TTC34: variants seen among roughly 807,000 people sequenced by gnomAD.
TTC34 encodes tetratricopeptide repeat protein 34.
A neutral mutation model predicts 40.7 loss-of-function variants in TTC34; 44 were observed. That is an observed-to-expected ratio of 1.08 (90% CI 0.85 to 1.39). TTC34 has a LOEUF of 1.39. Ranked by LOEUF, TTC34 falls within the 40% of genes most tolerant of loss-of-function variation. The pLI is 0.00. For synonymous variants in TTC34, 422 were observed against 398.6 expected, an observed-to-expected ratio of 1.06 and a Z score of -0.70; for missense variants, 884 against 838.0, an observed-to-expected ratio of 1.05 and a Z score of -0.68.
At chr1:2,759,891 G>GTATCTGATAGCGTGGAA (rs1641637700) in intron 6 of TTC34, among the ~76,000 whole-genome samples, 4 of 145,272 alleles carry the variant, frequency 2.8e-5, no homozygotes, top group Non-Finnish European at 4.5e-5. Context: ...CCTCAGGTGA[G>GTATCTGATAGCGTGGAA]CATCTGACAG....
At chr1:2,640,778 A>G (rs1557576627) in exon 9 of TTC34, 1 of 151,550 alleles carries the variant, frequency 6.6e-6, no homozygotes, top group African/African-American at 2.4e-5. Flanking sequence ...AAACCTGTCC[A>G]ACCTGTAGGA....
At chr1:2,750,631 G>T (rs1265502191) in intron 6 of TTC34, among the ~76,000 whole-genome samples, 2 of 115,328 alleles carry the variant, frequency 1.7e-5, no homozygotes, top group Non-Finnish European at 3.7e-5. Flanking sequence ...TGACAGCCTG[G>T]AGCAGCACCC....
At chr1:2,641,921 A>C in intron 8 of TTC34, 26 bp from the exon 9 acceptor site, 1 of 1,446,570 alleles carries the variant, frequency 6.9e-7, no homozygotes, top group Middle Eastern at 2.3e-4. Context: ...AGAGAGAGGC[A>C]GGGAGAGTGG....
intron 6 of TTC34, among the ~76,000 whole-genome samples, chr1:2,751,637 A>G (rs1449691174): frequency 2.3e-5 from 3 of 127,676 alleles, no homozygotes; most frequent in African/African-American, 3.3e-5. Context: ...GGCCTGGAAC[A>G]GCACCCACAC....
At chr1:2,677,735 C>T (rs1159950339) in intron 6 of TTC34, among the ~76,000 whole-genome samples, 4 of 122,116 alleles carry the variant, frequency 3.3e-5, no homozygotes, top group East Asian at 2.4e-4. Context: ...CCTGCACCCC[C>T]AGGTGAGCAT....
intron 6 of TTC34, among the ~76,000 whole-genome samples, chr1:2,685,952 A>T (rs1302807709): frequency 2.8e-5 from 4 of 141,938 alleles, no homozygotes; most frequent in African/African-American, 8.2e-5. Flanking sequence ...CGGGAACAGC[A>T]CCCACACCCA....
At chr1:2,648,259 C>A (rs946003764) in intron 6 of TTC34, among the ~76,000 whole-genome samples, 2 of 152,144 alleles carry the variant, frequency 1.3e-5, no homozygotes, top group Admixed American at 6.5e-5. Context: ...GTAGACAGGG[C>A]TGTGGTGCTG....
intron 6 of TTC34, among the ~76,000 whole-genome samples, chr1:2,681,083 A>T (rs796298909): frequency 5.7e-3 from 257 of 45,398 alleles, no homozygotes; most frequent in South Asian, 0.011. Context: ...AGCATCTGAC[A>T]GCCTAGAGCA....
Position 2,787,375 on chromosome 1 carries a change from A to G in TTC34, c.1854+106T>C, listed in dbSNP as rs1643604094. ...GGGGCTGAATGCAGTCGCCTGGTCCAAAGCCCAGACTGTGGGGTCCAGCGC... is the reference window on the plus strand; with the variant it reads ...GGGGCTGAATGCAGTCGCCTGGTCCGAAGCCCAGACTGTGGGGTCCAGCGC... On this transcript the variant is annotated intron_variant, in intron 4 of 8. Coordinates refer to ENST00000401095, the Ensembl canonical transcript of TTC34. 3.7e-6 allele frequency: 4 copies of G among 1,091,062 alleles called. No individual in the cohort carries two copies. In the South Asian group the frequency reaches 8.2e-5, roughly 22 times the overall value. The allele number at this position is 1,091,062 out of a possible 1,614,324, so 67.6% of individuals were successfully genotyped here.
chr1:2,644,155 A>G, intron 8 of TTC34, 109 bp downstream of exon 8: 1 of 1,186,536 alleles, frequency 8.4e-7, no homozygotes, highest in Non-Finnish European at 1.2e-6. Context: ...ACTGAAATCA[A>G]CCCAACCGCA....
Position 2,752,406 on chromosome 1 carries a change from C to A in TTC34, c.2226+31203G>T, listed in dbSNP as rs1315750464. Among the ~76,000 whole-genome samples the A allele has an allele frequency of 3.3e-4, 10 of 30,134 alleles. 1 individual carries two copies. The highest frequency in any genetic ancestry group is 6.7e-4 in the Non-Finnish European group (8 of 11,858). The allele number at this position is 30,134 out of a possible 152,430, so 19.8% of individuals were successfully genotyped here. ...GCATCTGAGAGCATGTAACAGCACCCACACACCCAGGTGAGCATCTGACAG... is the reference window on the plus strand; with the variant it reads ...GCATCTGAGAGCATGTAACAGCACCAACACACCCAGGTGAGCATCTGACAG... On this transcript the variant is annotated intron_variant, in intron 6 of 8. Coordinates refer to ENST00000401095, the Ensembl canonical transcript of TTC34.
intron 6 of TTC34, chr1:2,776,475 AC>A (rs1643175889): frequency 1.2e-5 from 1 of 85,700 alleles, no homozygotes; most frequent in African/African-American, 6.8e-5. Flanking sequence ...GCCTGGAAAA[AC>A]AACCCCCTTC....
At chr1:2,777,493 C>T (rs1347528290) in intron 6 of TTC34, among the ~76,000 whole-genome samples, 3 of 152,202 alleles carry the variant, frequency 2.0e-5, no homozygotes, top group African/African-American at 4.8e-5. Context: ...ATGTGCTGTC[C>T]TTTTCCACCA....
chr1:2,783,229 C>A lies in TTC34; in HGVS notation c.2226+380G>T, dbSNP rs139602622. 9.4e-3 allele frequency among the ~76,000 whole-genome samples: 1,439 copies of A among 152,298 alleles called. 28 individuals carry two copies. The highest frequency in any genetic ancestry group is 0.033 in the African/African-American group (1,368 of 41,560). On this transcript the variant is annotated intron_variant, in intron 6 of 8. Coordinates refer to ENST00000401095, the Ensembl canonical transcript of TTC34. The stretch of plus-strand genomic sequence containing the variant: ...CTCCCTCTGTGCATGTCCTCTAAAC[C>A]CCTCTCAACACCGGGGGCCAGGCAG...
Position 2,783,601 on chromosome 1 carries a change from G to T in TTC34, c.2226+8C>A, listed in dbSNP as rs747873232. 8.5e-6 allele frequency: 12 copies of T among 1,409,336 alleles called. No homozygotes were observed. The African/African-American group carries it at 1.4e-4, about 17-fold the overall frequency. The allele number at this position is 1,409,336 out of a possible 1,614,324, so 87.3% of individuals were successfully genotyped here. ...TTGCCCAGGCCCAGGTCAGGAGTGG[G>T]GCGGCACCTGCAGCTGGTCTAGGGC... is the stretch of plus-strand genomic sequence containing the variant. On this transcript the variant is annotated splice_region_variant and intron_variant, in intron 6 of 8. Coordinates refer to ENST00000401095, the Ensembl canonical transcript of TTC34.
chr1:2,685,879 C>G (rs199672037), intron 6 of TTC34, among the ~76,000 whole-genome samples: 46 of 96,540 alleles, frequency 4.8e-4, no homozygotes, highest in African/African-American at 1.9e-3. Flanking sequence ...GCACCCTGCA[C>G]CCCCAGGTGA....
rs1173743873 is a variant in TTC34 at position 2,691,746 on chromosome 1, C to T, written c.2227-46183G>A. Among the ~76,000 whole-genome samples, 7 of 102,632 alleles carry T rather than the reference C, an allele frequency of 6.8e-5. 2 individuals carry two copies. The highest frequency in any genetic ancestry group is 1.1e-4 in the Non-Finnish European group (5 of 43,784). The allele number at this position is 102,632 out of a possible 152,430, so 67.3% of individuals were successfully genotyped here. On this transcript the variant is annotated intron_variant, in intron 6 of 8. Coordinates refer to ENST00000401095, the Ensembl canonical transcript of TTC34. The stretch of plus-strand genomic sequence containing the variant: ...ACAGCCTGGAGCAGCACCCACATTC[C>T]CAGGCAAGCATCTGAACGCAAATAG...
chr1:2,799,124 G>GGCCTCCCA (rs1465155422), intron 2 of TTC34, among the ~76,000 whole-genome samples: 5 of 69,120 alleles, frequency 7.2e-5, no homozygotes, highest in African/African-American at 1.1e-4. Context: ...CCGGCCTCCC[G>GGCCTCCCA]GCCTCCCAGC....
chr1:2,761,979 G>A lies in TTC34; in HGVS notation c.2226+21630C>T, dbSNP rs1451600925. 3.6e-5 allele frequency among the ~76,000 whole-genome samples: 2 copies of A among 55,028 alleles called. 1 individual carries two copies. Among genetic ancestry groups the A allele is most frequent in the Non-Finnish European group, 6.3e-5 (2 of 31,722 alleles). The allele number at this position is 55,028 out of a possible 152,430, so 36.1% of individuals were successfully genotyped here. A position where few individuals can be genotyped will look rare whatever the true frequency, so the allele number is the denominator to read the frequency against. On this transcript the variant is annotated intron_variant, in intron 6 of 8. Transcript: ENST00000401095. ...TGGAGCAGCACACACAACCTTAGGC[G>A]AGCATCTGACAGCCTGGAGCAGCGC...
Sources: allele counts gnomAD v4.1 joint callset (sites outside exome capture counted in the v4.1 genomes callset), GRCh38; gene constraint gnomAD v4.1.1; transcripts MANE v1.5; gene names NCBI Gene and HGNC (gene_info 2026-07-23, HGNC 2026-07-21).